CACNA1C: variants seen among roughly 807,000 people sequenced by gnomAD.
CACNA1C encodes the protein voltage-dependent L-type calcium channel subunit alpha-1C.
Under a neutral mutation model 229.0 loss-of-function variants are expected in CACNA1C, and 30 were observed. The ratio of observed to expected loss-of-function variants is 0.13; its 90% CI spans 0.10 to 0.18. The LOEUF (loss-of-function observed/expected upper bound fraction) is 0.18. CACNA1C is among the 10% of genes least tolerant of loss of function. The probability of loss-of-function intolerance (pLI) is 1.00; values close to 1 mark genes in which losing one functional copy is unlikely to be tolerated. For missense variants in CACNA1C, 1,658 were observed against 2,845.0 expected (o/e 0.58, Z 9.49); for synonymous variants, 1,114 against 1,132.5 (o/e 0.98, Z 0.33).
At chr12:2,420,418 C>G (rs1230662949) in intron 3 of CACNA1C, among the ~76,000 whole-genome samples, 1 of 152,138 alleles carries the variant, frequency 6.6e-6, no homozygotes, top group Admixed American at 6.5e-5. Context: ...AGCTGCCATC[C>G]TGATAAAGGA....
intron 3 of CACNA1C, among the ~76,000 whole-genome samples, chr12:2,339,346 G>A (rs934130073): frequency 1.3e-5 from 2 of 152,246 alleles, no homozygotes; most frequent in Non-Finnish European, 2.9e-5. Context: ...AGGACTGGAA[G>A]TTGCTCTGTG....
intron 22 of CACNA1C, among the ~76,000 whole-genome samples, chr12:2,604,828 C>T (rs1358448781): frequency 6.6e-6 from 1 of 152,172 alleles, no homozygotes; most frequent in Non-Finnish European, 1.5e-5. Flanking sequence ...TTGCTAATGA[C>T]CTGCCATGAG....
chr12:2,663,124 A>G (rs2095851591), intron 34 of CACNA1C, among the ~76,000 whole-genome samples: 1 of 152,246 alleles, frequency 6.6e-6, no homozygotes, highest in African/African-American at 2.4e-5. Flanking sequence ...GGAAAAAACT[A>G]TAAATTTGAC....
chr12:2,126,741 G>A (rs146171030), intron 3 of CACNA1C, among the ~76,000 whole-genome samples: 9 of 152,334 alleles, frequency 5.9e-5, no homozygotes, highest in Admixed American at 2.0e-4. Context: ...CCATTTATTG[G>A]TGTAAAATTG....
chr12:2,229,767 C>A (rs1198236673), intron 3 of CACNA1C, among the ~76,000 whole-genome samples: 1 of 152,198 alleles, frequency 6.6e-6, no homozygotes, highest in African/African-American at 2.4e-5. Context: ...AACGGCCTGG[C>A]AGGCTCAAGG....
chr12:2,593,112 T>G (rs1467190618), intron 18 of CACNA1C, 101 bp from the exon 19 acceptor site: 5 of 1,345,166 alleles, frequency 3.7e-6, no homozygotes, highest in Non-Finnish European at 5.1e-6. Context: ...TACCCTACAT[T>G]TTCAGAGCCA....
rs557446947 is a variant in CACNA1C, at chr12:2,434,902, T to C, written c.478-14074T>C. ...CACTTCAGTCTAGTTCATCTAAAGA[T>C]TGCTTTTCATATTTATTTCCTAAAA... On this transcript the variant is annotated intron_variant, in intron 3 of 46. Coordinates refer to ENST00000399655, the MANE Select transcript of CACNA1C (RefSeq NM_000719.7). Among the ~76,000 whole-genome samples the C allele has an allele frequency of 1.2e-4, 19 of 152,350 alleles. No homozygotes were observed. In the South Asian group the frequency reaches 3.9e-3, roughly 32 times the overall value.
chr12:2,168,953 G>A (rs932580928), intron 3 of CACNA1C, among the ~76,000 whole-genome samples: 1 of 152,140 alleles, frequency 6.6e-6, no homozygotes, highest in Non-Finnish European at 1.5e-5. Flanking sequence ...GGAGAGCAAA[G>A]AGTTCCTGCT....
chr12:2,530,709 T>A (rs1352513628), intron 9 of CACNA1C, among the ~76,000 whole-genome samples: 1 of 152,188 alleles, frequency 6.6e-6, no homozygotes, highest in Non-Finnish European at 1.5e-5. Flanking sequence ...GTGCTTCAGT[T>A]TTTTTCGTGA....
At chr12:1,983,577 C>T (rs11062042) in intron 1 of CACNA1C, among the ~76,000 whole-genome samples, 26,100 of 151,820 alleles carry the variant, frequency 0.17, 2,416 homozygotes, top group African/African-American at 0.22. Flanking sequence ...TATTGTGGTC[C>T]CAAGAATATA....
chr12:2,229,801 T>C (rs1463579730), intron 3 of CACNA1C, among the ~76,000 whole-genome samples: 2 of 151,904 alleles, frequency 1.3e-5, no homozygotes, highest in African/African-American at 4.8e-5. Context: ...ATGAGCAGGG[T>C]GGGCGCTGGT....
At chr12:2,420,390 G>A (rs983452567) in intron 3 of CACNA1C, among the ~76,000 whole-genome samples, 9 of 152,208 alleles carry the variant, frequency 5.9e-5, no homozygotes, top group African/African-American at 1.9e-4. Context: ...GTTGACTGGG[G>A]CCACCTTCAT....
rs1375159830 is a variant in CACNA1C at position 2,632,648 on chromosome 12, C to T, written c.3829-1649C>T. 6.6e-6 allele frequency among the ~76,000 whole-genome samples: 1 copy of T among 152,208 alleles called. No homozygotes were observed. The highest frequency in any genetic ancestry group is 1.9e-4 in the East Asian group (1 of 5,194). ...GTCTTCCCCTTCTGTGCCAGAATCT[C>T]TCCTTCAGGGCACCACTGTCTTCAT... is the stretch of plus-strand genomic sequence containing the variant. On this transcript the variant is annotated intron_variant, in intron 29 of 46. Transcript: ENST00000399655. This position sits in a 1 kb window ranked among gnomAD's most constrained non-coding sequence, Gnocchi z 4.1.
intron 12 of CACNA1C, 56 bp from the exon 13 acceptor site, chr12:2,567,513 C>T: frequency 2.9e-6 from 3 of 1,049,312 alleles, no homozygotes; most frequent in South Asian, 1.4e-5. Context: ...TTCCCTGCCT[C>T]CCTCTCTGCC....
rs2097847240 is a variant in CACNA1C, at chr12:2,697,005, T to G, written c.*5806T>G. The G allele has an allele frequency of 6.6e-6, 1 of 152,264 alleles. No homozygotes were observed. The highest frequency in any genetic ancestry group is 2.4e-5 in the African/African-American group (1 of 41,428). The allele number at this position is 152,264 out of a possible 1,614,324, so 9.4% of individuals were successfully genotyped here. A position where few individuals can be genotyped will look rare whatever the true frequency, so the allele number is the denominator to read the frequency against. ...AATATGGAGAAACTACACCAATGTT[T>G]AAAAGGGGAAAAGGAAAGAACTTGT... On this transcript the variant is annotated 3_prime_UTR_variant, in exon 47 of 47. Coordinates refer to ENST00000399655, the MANE Select transcript of CACNA1C (RefSeq NM_000719.7).
intron 2 of CACNA1C, among the ~76,000 whole-genome samples, chr12:2,116,438 C>G (rs1182893481): frequency 8.6e-5 from 13 of 150,308 alleles, no homozygotes; most frequent in Admixed American, 6.7e-4. Flanking sequence ...GTGGTGCCGT[C>G]TCGGCTCACT....
At chr12:2,297,356 A>G (rs2094140129) in intron 3 of CACNA1C, among the ~76,000 whole-genome samples, 1 of 152,234 alleles carries the variant, frequency 6.6e-6, no homozygotes, top group African/African-American at 2.4e-5. Flanking sequence ...ACAGGAGAAG[A>G]CTGAAAAATA....
intron 1 of CACNA1C, among the ~76,000 whole-genome samples, chr12:2,076,314 G>T (rs1595165761): frequency 1.3e-5 from 2 of 152,292 alleles, no homozygotes; most frequent in East Asian, 3.9e-4. Flanking sequence ...TGTCAAATGG[G>T]TCTGTTTTCA....
Position 2,567,651 on chromosome 12 carries a change from C to T in CACNA1C, c.1752C>T (p.Phe584=), listed in dbSNP as rs886043677. 1.3e-5 allele frequency: 21 copies of T among 1,613,052 alleles called. No individual in the cohort carries two copies. Among genetic ancestry groups the T allele is most frequent in the Middle Eastern group, 1.7e-4 (1 of 6,060 alleles). Residue 584 remains phenylalanine, a synonymous_variant, in exon 13 of 47, where the codon TTC becomes TTT. Coordinates refer to ENST00000399655, the MANE Select transcript of CACNA1C (RefSeq NM_000719.7). ...KMYSLGLQAY[F]VSLFNRFDCF... Reference sequence around the variant, plus strand: ...ACAGCCTGGGCCTGCAGGCCTACTTCGTGTCCCTCTTCAACCGCTTTGACT... The same window carrying T: ...ACAGCCTGGGCCTGCAGGCCTACTTTGTGTCCCTCTTCAACCGCTTTGACT...
Sources: gnomAD v4.1 joint callset for allele counts (sites outside exome capture counted in the v4.1 genomes callset) on GRCh38, gnomAD v4.1.1 for gene constraint, Gnocchi (gnomAD v3.1) non-coding constraint, MANE v1.5 for transcripts, NCBI Gene and HGNC (gene_info 2026-07-23, HGNC 2026-07-21) for gene names.